ADAMTSL4: variants seen among roughly 807,000 people sequenced by gnomAD.
ADAMTSL4 encodes the protein ADAMTS-like protein 4.
A neutral mutation model predicts 122.8 loss-of-function variants in ADAMTSL4; 97 were observed. The ratio of observed to expected loss-of-function variants is 0.79; its 90% CI spans 0.67 to 0.93. The LOEUF (loss-of-function observed/expected upper bound fraction) is 0.93. Ranked by LOEUF, ADAMTSL4 falls within the 40% of genes least tolerant of loss-of-function variation. ADAMTSL4 has a pLI of 0.00. For missense variants in ADAMTSL4, 1,408 were observed against 1,453.5 expected (o/e 0.97, Z 0.51); for synonymous variants, 592 against 568.0 (o/e 1.04, Z -0.60).
rs1560296572 is a variant in ADAMTSL4 at position 150,556,701 on chromosome 1, AC to A, written c.1659del (p.Val554SerfsTer31). The A allele has an allele frequency of 6.2e-7, 1 of 1,613,910 alleles. No individual in the cohort carries two copies. The highest frequency in any genetic ancestry group is 8.5e-7 in the Non-Finnish European group (1 of 1,179,964). On this transcript the variant is annotated frameshift_variant, in exon 10 of 19. Coordinates refer to ENST00000271643, the MANE Select transcript of ADAMTSL4 (RefSeq NM_019032.6). LOFTEE classifies it high-confidence loss of function. This position sits in a 1 kb window ranked among gnomAD's most constrained non-coding sequence, Gnocchi z 4.1. ...CCCTGGGTCCTACAGGGCCGGCGGG[AC>A]CGTCTTTCGATATAACCGTCCTCCC... ...DPPGSYRAGG[T>X]VFRYNRPPRE...
chr1:150,552,993 G>A lies in ADAMTSL4; in HGVS notation c.174G>A (p.Gln58=). 1 of 1,613,300 alleles carries A rather than the reference G, an allele frequency of 6.2e-7. No homozygotes were observed. The highest frequency in any genetic ancestry group is 1.1e-5 in the South Asian group (1 of 91,084). The part of the protein sequence containing the change: ...GPWVQWASCS[Q]PCGVGVQRRS... ...GGGTCCAGTGGGCCTCTTGCTCCCA[G>A]CCCTGCGGGGTGGGGGTGCAGCGCA... The change falls in exon 5 of 19, where the codon CAG becomes CAA. Residue 58 remains glutamine (Q), a synonymous_variant. Coordinates refer to ENST00000271643, the MANE Select transcript of ADAMTSL4 (RefSeq NM_019032.6). The surrounding 1 kb of genome is among the most constrained non-coding windows in gnomAD (Gnocchi z 4.0).
In ADAMTSL4 at chr1:150,558,128, A is replaced by G; in HGVS notation, c.2361A>G (p.Glu787=). 6.2e-7 allele frequency: 1 copy of G among 1,613,458 alleles called. No individual in the cohort carries two copies. Among genetic ancestry groups the G allele is most frequent in the Non-Finnish European group, 8.5e-7 (1 of 1,180,032 alleles). ...AGCTGCGCCTCTGTGGCCATTGGGA[A>G]GTTGGCTCTCCTTGGAGCCAGGTGA... The part of the protein sequence containing the change: ...SCQLRLCGHW[E]VGSPWSQCSV... Residue 787 remains glutamate (E), a synonymous_variant, in exon 14 of 19, where the codon GAA becomes GAG. Coordinates refer to ENST00000271643, the MANE Select transcript of ADAMTSL4 (RefSeq NM_019032.6).
chr1:150,557,972 C>T lies in ADAMTSL4; in HGVS notation c.2205C>T (p.Cys735=), dbSNP rs746445774. 3.1e-6 allele frequency: 5 copies of T among 1,609,722 alleles called. No homozygotes were observed. The African/African-American group carries it at 6.7e-5, about 21-fold the overall frequency. ...GGGAGGCTGGCGAGTGGACATCCTG[C>T]AGCCGCTCCTGTGGCCCCGGCACCC... The part of the protein sequence containing the change: ...PYWEAGEWTS[C]SRSCGPGTQH... Residue 735 remains cysteine (C), a synonymous_variant, in exon 14 of 19, where the codon TGC becomes TGT. Transcript: ENST00000271643.
chr1:150,556,800 C>T lies in ADAMTSL4; in HGVS notation c.1749+7C>T. On this transcript the variant is annotated splice_region_variant and intron_variant, in intron 10 of 18. Transcript: ENST00000271643. The surrounding 1 kb of genome is among the most constrained non-coding windows in gnomAD (Gnocchi z 4.1). ...CCAGCCTGTGGATGTCTATGTGAGCCTGGGGCCAGGGGCAGCTGAATGCTG... is the reference window on the plus strand; with the variant it reads ...CCAGCCTGTGGATGTCTATGTGAGCTTGGGGCCAGGGGCAGCTGAATGCTG... 1 of 1,612,696 alleles carries T rather than the reference C, an allele frequency of 6.2e-7. No homozygotes were observed. Among genetic ancestry groups the T allele is most frequent in the Non-Finnish European group, 8.5e-7 (1 of 1,179,300 alleles).
chr1:150,557,246 C>A lies in ADAMTSL4; in HGVS notation c.1958C>A (p.Ala653Asp), dbSNP rs778451492. 6.2e-7 allele frequency: 1 copy of A among 1,611,422 alleles called. No individual in the cohort carries two copies. The highest frequency in any genetic ancestry group is 8.5e-7 in the Non-Finnish European group (1 of 1,179,404). Reference sequence around the variant, plus strand: ...CAGGTGCGGATCCCCCAGATGCCCGCCCCGCCCCATCCCAGGACACCCCTG... The same window carrying A: ...CAGGTGCGGATCCCCCAGATGCCCGACCCGCCCCATCCCAGGACACCCCTG... ...QRQVRIPQMPAPPHPRTPLGS... is the reference protein window; with the variant it reads ...QRQVRIPQMPDPPHPRTPLGS... Residue 653 changes from alanine to aspartate, a missense_variant, in exon 12 of 19, where the codon GCC (alanine) becomes GAC (aspartate). Physicochemically the swap from Ala to Asp is moderately radical, Grantham distance 126 (BLOSUM62 -2). Coordinates refer to ENST00000271643, the MANE Select transcript of ADAMTSL4 (RefSeq NM_019032.6).
rs1229340671 is a variant in ADAMTSL4, at chr1:150,556,157, T to C, written c.1372-5T>C. 1.2e-6 allele frequency: 2 copies of C among 1,613,908 alleles called. No individual in the cohort carries two copies. The highest frequency in any genetic ancestry group is 2.2e-5 in the South Asian group (2 of 91,062). ...GTGGCCACTGCCTCACCTCACTCTCTCCAGAGCCCCGGCTGTGATGGGATC... is the reference window on the plus strand; with the variant it reads ...GTGGCCACTGCCTCACCTCACTCTCCCCAGAGCCCCGGCTGTGATGGGATC... On this transcript the variant is annotated splice_region_variant and splice_polypyrimidine_tract_variant and intron_variant, in intron 8 of 18. Coordinates refer to ENST00000271643, the MANE Select transcript of ADAMTSL4 (RefSeq NM_019032.6). This position sits in a 1 kb window ranked among gnomAD's most constrained non-coding sequence, Gnocchi z 4.1.
chr1:150,550,085 TG>T (rs1671241624), intron 2 of ADAMTSL4, 190 bp downstream of exon 2: 7 of 369,122 alleles, frequency 1.9e-5, no homozygotes, highest in South Asian at 1.2e-4. Context: ...CAGGGAGACC[TG>T]GGGGTGAAGG....
rs374907806 is a variant in ADAMTSL4 at position 150,552,135 on chromosome 1, C to G, written c.-84-70C>G. ...AGTTTCACCCCCTCCTCCATATTCTCTGAGCTGTCCTCCCAGCCCCAAGCT... is the reference window on the plus strand; with the variant it reads ...AGTTTCACCCCCTCCTCCATATTCTGTGAGCTGTCCTCCCAGCCCCAAGCT... On this transcript the variant is annotated intron_variant, in intron 2 of 18. Coordinates refer to ENST00000271643, the MANE Select transcript of ADAMTSL4 (RefSeq NM_019032.6). The surrounding 1 kb of genome is among the most constrained non-coding windows in gnomAD (Gnocchi z 4.0). 2.8e-5 allele frequency: 21 copies of G among 757,134 alleles called. No individual in the cohort carries two copies. Among genetic ancestry groups the G allele is most frequent in the Middle Eastern group, 3.8e-4 (1 of 2,602 alleles). The allele number at this position is 757,134 out of a possible 1,614,324, so 46.9% of individuals were successfully genotyped here.
chr1:150,551,972 AAGCCCCTACAGGGC>A (rs1350314446), intron 2 of ADAMTSL4: 5 of 393,988 alleles, frequency 1.3e-5, no homozygotes, highest in African/African-American at 8.2e-5. Flanking sequence ...AGGAGCTAAG[AAGCCCCTACAGGGC>A]CCAGAGGTGG....
chr1:150,553,365 C>A (rs1671635325), intron 5 of ADAMTSL4, 61 bp from the exon 6 acceptor site: 1 of 1,607,522 alleles, frequency 6.2e-7, no homozygotes, highest in Non-Finnish European at 8.5e-7. Context: ...AGGAAGTAAA[C>A]TGGGGAAACA....
rs755679758 is a variant in ADAMTSL4 at position 150,553,203 on chromosome 1, C to T, written c.384C>T (p.Pro128=). The part of the protein sequence containing the change: ...SRGRGGPLRG[P]ASHLGREETQ... ...GAAGGGGTGGCCCACTTCGAGGTCC[C>T]GCTTCCCACCTAGGGAGAGAGGAGA... The change falls in exon 5 of 19, where the codon CCC becomes CCT. Residue 128 remains proline, a synonymous_variant. Coordinates refer to ENST00000271643, the MANE Select transcript of ADAMTSL4 (RefSeq NM_019032.6). The T allele has an allele frequency of 2.4e-5, 39 of 1,606,388 alleles. No homozygotes were observed. The highest frequency in any genetic ancestry group is 3.1e-5 in the Non-Finnish European group (37 of 1,176,144).
rs202041000 is a variant in ADAMTSL4, at chr1:150,556,647, A to C, written c.1603A>C (p.Ile535Leu). The C allele has an allele frequency of 1.2e-4, 196 of 1,614,002 alleles. No homozygotes were observed. The highest frequency in any genetic ancestry group is 5.8e-4 in the Admixed American group (35 of 60,016). ...LALRGPGGRSIINGNWAVDPP... is the reference protein window; with the variant it reads ...LALRGPGGRSLINGNWAVDPP... ...ACTTCGTGGCCCTGGGGGCCGGTCC[A>C]TCATCAATGGGAACTGGGCTGTGGA... Residue 535 changes from isoleucine to leucine, a missense_variant, in exon 10 of 19, where the codon ATC (isoleucine) becomes CTC (leucine). Transcript: ENST00000271643. The surrounding 1 kb of genome is among the most constrained non-coding windows in gnomAD (Gnocchi z 4.1).
At chr1:150,550,323 G>A (rs2101526921) in intron 2 of ADAMTSL4, 1 of 453,266 alleles carries the variant, frequency 2.2e-6, no homozygotes, top group East Asian at 7.0e-5. Flanking sequence ...AGGGGGCATG[G>A]GCCCCTGCCG....
intron 2 of ADAMTSL4, chr1:150,551,246 A>T: frequency 2.8e-6 from 1 of 351,420 alleles, no homozygotes; most frequent in South Asian, 2.1e-5. Context: ...AGAGACGCAC[A>T]GGAAACAAGC....
chr1:150,552,292 G>T lies in ADAMTSL4; in HGVS notation c.4G>T (p.Glu2Ter). The change falls in exon 3 of 19, where the codon GAG becomes TAG. Residue 2 changes from glutamate to a stop codon, truncating the protein, a stop_gained. Transcript: ENST00000271643. LOFTEE classifies it high-confidence loss of function. This position sits in a 1 kb window ranked among gnomAD's most constrained non-coding sequence, Gnocchi z 4.0. The part of the protein sequence containing the change: M[E>*]NWTGRPWLYL... ...CTGGGGCAGTAGAGGGGGAGCGATG[G>T]AGAACTGGACTGGCAGGTGAGAGAA... is the stretch of plus-strand genomic sequence containing the variant. 1 of 1,555,698 alleles carries T rather than the reference G, an allele frequency of 6.4e-7. No individual in the cohort carries two copies. Among genetic ancestry groups the T allele is most frequent in the South Asian group, 1.2e-5 (1 of 84,306 alleles).
rs763960404 is a variant in ADAMTSL4 at position 150,556,722 on chromosome 1, C to T, written c.1678C>T (p.Pro560Ser). The change falls in exon 10 of 19, where the codon CCT becomes TCT. Residue 560 changes from proline (P) to serine (S), a missense_variant. By Grantham distance (74) the Pro-to-Ser change is moderately conservative. Coordinates refer to ENST00000271643, the MANE Select transcript of ADAMTSL4 (RefSeq NM_019032.6). The surrounding 1 kb of genome is among the most constrained non-coding windows in gnomAD (Gnocchi z 4.1). ...CGGGACCGTCTTTCGATATAACCGT[C>T]CTCCCAGGGAGGAGGGCAAAGGGGA... ...AGGTVFRYNR[P>S]PREEGKGESL... 1.2e-6 allele frequency: 2 copies of T among 1,613,988 alleles called. No individual in the cohort carries two copies. The highest frequency in any genetic ancestry group is 1.1e-5 in the South Asian group (1 of 91,078).
chr1:150,550,348 G>T, intron 2 of ADAMTSL4: 1 of 449,800 alleles, frequency 2.2e-6, no homozygotes, highest in Non-Finnish European at 4.5e-6. Context: ...GCGCAGGGGA[G>T]GGTGGGGTGG....
Position 150,559,573 on chromosome 1 carries a change from C to A in ADAMTSL4, c.2943+107C>A. 1 of 1,569,764 alleles carries A rather than the reference C, an allele frequency of 6.4e-7. No homozygotes were observed. Among genetic ancestry groups the A allele is most frequent in the Non-Finnish European group, 8.7e-7 (1 of 1,153,702 alleles). Reference sequence around the variant, plus strand: ...GGTCTCTCTGTGCCCCAGAATAAGCCCAGCCAAGCGTTACCACTGTCCTAC... The same window carrying A: ...GGTCTCTCTGTGCCCCAGAATAAGCACAGCCAAGCGTTACCACTGTCCTAC... On this transcript the variant is annotated intron_variant, in intron 17 of 18. Transcript: ENST00000271643. The surrounding 1 kb of genome is among the most constrained non-coding windows in gnomAD (Gnocchi z 4.1).
chr1:150,557,395 C>A, intron 12 of ADAMTSL4, 60 bp downstream of exon 12: 1 of 1,603,744 alleles, frequency 6.2e-7, no homozygotes, highest in Non-Finnish European at 8.5e-7. Flanking sequence ...GACACTCCCG[C>A]ATCCTGGATT....
Sources: gnomAD v4.1 joint callset for allele counts on GRCh38, gnomAD v4.1.1 for gene constraint, Gnocchi (gnomAD v3.1) non-coding constraint, MANE v1.5 for transcripts, NCBI Gene and HGNC (gene_info 2026-07-23, HGNC 2026-07-21) for gene names.